Variants in CHST3 observed in about 807,000 individuals in gnomAD.
The protein encoded by CHST3 is C6ST-1.
A neutral mutation model predicts 35.4 loss-of-function variants in CHST3; 20 were observed. The ratio of observed to expected loss-of-function variants is 0.57; its 90% CI spans 0.40 to 0.82. The LOEUF (loss-of-function observed/expected upper bound fraction) is 0.82, where lower values mean the gene tolerates loss of function less well. Among genes scored for constraint, CHST3 ranks in the 40% least tolerant of loss-of-function variants. The probability of loss-of-function intolerance (pLI) is 0.00; values close to 1 mark genes in which losing one functional copy is unlikely to be tolerated. For missense variants in CHST3, 693 were observed against 670.1 expected (o/e 1.03, Z -0.38); for synonymous variants, 334 against 295.9 (o/e 1.13, Z -1.32).
intron 1 of CHST3, among the ~76,000 whole-genome samples, chr10:71,978,887 C>T (rs768460841): frequency 5.3e-5 from 8 of 152,304 alleles, no homozygotes; most frequent in East Asian, 3.9e-4. Flanking sequence ...CACAGATAGA[C>T]GATGTCTGGA....
intron 1 of CHST3, among the ~76,000 whole-genome samples, chr10:71,984,015 G>A (rs778953238): frequency 4.6e-5 from 7 of 152,050 alleles, no homozygotes; most frequent in Non-Finnish European, 7.4e-5. Context: ...ATTCTGTAAC[G>A]GGCCTTTTGT....
chr10:71,969,555 C>G (rs1342295280), intron 1 of CHST3, among the ~76,000 whole-genome samples: 1 of 152,202 alleles, frequency 6.6e-6, no homozygotes, highest in Non-Finnish European at 1.5e-5. Context: ...TGATCCCTGC[C>G]CACCTTCCAC....
chr10:71,981,794 T>G (rs1839803722), intron 1 of CHST3, among the ~76,000 whole-genome samples: 1 of 152,250 alleles, frequency 6.6e-6, no homozygotes, highest in African/African-American at 2.4e-5. Context: ...AATTCAATGC[T>G]TCTTACTGTC....
chr10:71,988,588 C>A (rs1839870644), intron 1 of CHST3, among the ~76,000 whole-genome samples: 1 of 152,224 alleles, frequency 6.6e-6, no homozygotes, highest in Non-Finnish European at 1.5e-5. Context: ...CTCCCTGAGG[C>A]TTCACCAGAA....
intron 1 of CHST3, among the ~76,000 whole-genome samples, chr10:71,979,816 A>G (rs1199624375): frequency 6.6e-6 from 1 of 152,112 alleles, no homozygotes; most frequent in Non-Finnish European, 1.5e-5. Flanking sequence ...CACTCCCACC[A>G]CCCAGATGGA....
chr10:71,976,098 G>A (rs150203140), intron 1 of CHST3, among the ~76,000 whole-genome samples: 12 of 152,358 alleles, frequency 7.9e-5, no homozygotes, highest in African/African-American at 2.9e-4. Context: ...TTGCACTTCT[G>A]ATTCATTCTG....
chr10:71,993,824 G>A (rs1564528751), intron 1 of CHST3, among the ~76,000 whole-genome samples: 1 of 152,194 alleles, frequency 6.6e-6, no homozygotes, highest in East Asian at 1.9e-4. Flanking sequence ...AGGAGGCCGG[G>A]TGCAGTGGCT....
Position 72,007,865 on chromosome 10 carries a change from G to A in CHST3, c.834G>A (p.Arg278=). The change falls in exon 3 of 3, where the codon CGG becomes CGA. Residue 278 remains arginine (R), a synonymous_variant. Transcript: ENST00000373115. ...EHMALKAVRI[R]QLEFLQPLAE... ...TGGCCCTCAAGGCGGTGCGCATCCGGCAGCTGGAGTTCCTGCAGCCGCTGG... is the reference window on the plus strand; with the variant it reads ...TGGCCCTCAAGGCGGTGCGCATCCGACAGCTGGAGTTCCTGCAGCCGCTGG... 6.2e-7 allele frequency: 1 copy of A among 1,600,474 alleles called. No homozygotes were observed. Among genetic ancestry groups the A allele is most frequent in the Non-Finnish European group, 8.5e-7 (1 of 1,175,546 alleles).
intron 1 of CHST3, among the ~76,000 whole-genome samples, chr10:71,972,524 C>A (rs1839705315): frequency 1.3e-5 from 2 of 152,160 alleles, no homozygotes; most frequent in Non-Finnish European, 2.9e-5. Context: ...GATGCCACTC[C>A]CCTGTGCCCT....
chr10:71,999,828 C>G (rs2131765586), intron 1 of CHST3, among the ~76,000 whole-genome samples: 1 of 152,342 alleles, frequency 6.6e-6, no homozygotes, highest in South Asian at 2.1e-4. Flanking sequence ...GGGAGGGAAG[C>G]CGAAGCCTCA....
chr10:71,977,231 T>C (rs894588399), intron 1 of CHST3, among the ~76,000 whole-genome samples: 6 of 152,198 alleles, frequency 3.9e-5, no homozygotes, highest in African/African-American at 1.4e-4. Context: ...ACAGCATGAA[T>C]GGGGCCAGCC....
chr10:72,011,544 TCTC>T lies in CHST3; in HGVS notation c.*3077_*3079del, dbSNP rs1381973682. On this transcript the variant is annotated 3_prime_UTR_variant, in exon 3 of 3. Coordinates refer to ENST00000373115, the MANE Select transcript of CHST3 (RefSeq NM_004273.5). ...TTTTCCAGCGAGGCCAGCCCTGGCT[TCTC>T]CTCTGTTCCAGCTTGTCTGCCAGAA... 6.6e-6 allele frequency: 1 copy of T among 152,180 alleles called. No individual in the cohort carries two copies. Among genetic ancestry groups the T allele is most frequent in the African/African-American group, 2.4e-5 (1 of 41,426 alleles). The allele number at this position is 152,180 out of a possible 1,614,324, so 9.4% of individuals were successfully genotyped here. A position where few individuals can be genotyped will look rare whatever the true frequency, so the allele number is the denominator to read the frequency against.
chr10:71,969,281 G>A lies in CHST3; in HGVS notation c.-108+4587G>A, dbSNP rs529732108. Among the ~76,000 whole-genome samples, 12 of 152,366 alleles carry A rather than the reference G, an allele frequency of 7.9e-5. No homozygotes were observed. The East Asian group carries it at 2.3e-3, about 29-fold the overall frequency. Reference sequence around the variant, plus strand: ...GGCCCCACTTTACAGATGAGGACATGAGGCTCAGAGAGGTGCAGTGGATGC... The same window carrying A: ...GGCCCCACTTTACAGATGAGGACATAAGGCTCAGAGAGGTGCAGTGGATGC... On this transcript the variant is annotated intron_variant, in intron 1 of 2. Transcript: ENST00000373115.
chr10:71,979,542 G>T (rs952844492), intron 1 of CHST3, among the ~76,000 whole-genome samples: 1 of 152,048 alleles, frequency 6.6e-6, no homozygotes, highest in African/African-American at 2.4e-5. Flanking sequence ...AGGCACAGAT[G>T]GGGGAGGGGT....
intron 1 of CHST3, among the ~76,000 whole-genome samples, chr10:72,002,633 T>G (rs1840004349): frequency 6.6e-6 from 1 of 152,202 alleles, no homozygotes; most frequent in Admixed American, 6.5e-5. Flanking sequence ...CTCCTTCTGC[T>G]TCCCTCACAT....
At position 71,992,630 on chromosome 10, in the gene CHST3, G is replaced by A. The variant is rs1489428566; in HGVS notation, c.-107-13106G>A. ...GTCAATTCTTTCTAACTCTGCTGCT[G>A]CTTTATCAACTAAGTTTATGGAATA... On this transcript the variant is annotated intron_variant, in intron 1 of 2. Transcript: ENST00000373115. Among the ~76,000 whole-genome samples, 160 of 149,884 alleles carry A rather than the reference G, an allele frequency of 1.1e-3. 2 individuals are homozygous for A. Among genetic ancestry groups the A allele is most frequent in the Non-Finnish European group, 2.1e-4 (14 of 67,578 alleles).
At chr10:71,977,930 G>A (rs775145318) in intron 1 of CHST3, among the ~76,000 whole-genome samples, 6 of 152,162 alleles carry the variant, frequency 3.9e-5, no homozygotes, top group Admixed American at 1.3e-4. Flanking sequence ...CTGGATCTGA[G>A]CCACTGGCTG....
intron 1 of CHST3, among the ~76,000 whole-genome samples, chr10:71,982,358 G>A (rs1158952805): frequency 6.6e-6 from 1 of 152,230 alleles, no homozygotes; most frequent in Non-Finnish European, 1.5e-5. Flanking sequence ...GAAAGGCAAG[G>A]CTGCAGACTC....
intron 1 of CHST3, among the ~76,000 whole-genome samples, chr10:71,995,135 A>T (rs923593079): frequency 6.6e-6 from 1 of 152,040 alleles, no homozygotes; most frequent in African/African-American, 2.4e-5. Context: ...TCCTTCAAGA[A>T]CTTTTCCAGC....
Sources: allele counts gnomAD v4.1 joint callset (sites outside exome capture counted in the v4.1 genomes callset), GRCh38; gene constraint gnomAD v4.1.1; transcripts MANE v1.5; gene names NCBI Gene and HGNC (gene_info 2026-07-23, HGNC 2026-07-21).